Variants in C8orf34 observed in about 807,000 individuals in gnomAD.
C8orf34 encodes the protein uncharacterized protein C8orf34.
In C8orf34, 65 loss-of-function variants were observed where a neutral mutation model predicts 68.3. The observed-to-expected ratio is 0.95, with a 90% CI of 0.78 to 1.17. The LOEUF (loss-of-function observed/expected upper bound fraction) is 1.17, where lower values mean the gene tolerates loss of function less well. C8orf34 is among the 50% of genes most tolerant of loss of function. The pLI, the probability that C8orf34 is intolerant of heterozygous loss-of-function variation, is 0.00. For missense variants in C8orf34, 664 were observed against 655.4 expected, an observed-to-expected ratio of 1.01 and a Z score of -0.14; for synonymous variants, 244 against 241.2, an observed-to-expected ratio of 1.01 and a Z score of -0.11.
chr8:68,468,921 A>T, intron 4 of C8orf34, 101 bp downstream of exon 4: 1 of 1,295,608 alleles, frequency 7.7e-7, no homozygotes, highest in Non-Finnish European at 1.1e-6. Flanking sequence ...TCCTCATTCT[A>T]ATTCTGCAAG....
intron 11 of C8orf34, among the ~76,000 whole-genome samples, chr8:68,782,127 C>T (rs987399022): frequency 3.3e-5 from 5 of 152,138 alleles, no homozygotes; most frequent in East Asian, 1.9e-4. Context: ...GAATCACTTC[C>T]GCAATTTCAT....
chr8:68,430,939 C>T (rs1039142976), intron 1 of C8orf34, among the ~76,000 whole-genome samples: 6 of 152,062 alleles, frequency 3.9e-5, no homozygotes, highest in Non-Finnish European at 5.9e-5. Context: ...TTCATATACC[C>T]CACATGATAT....
chr8:68,656,950 G>T (rs1456309934), intron 8 of C8orf34, among the ~76,000 whole-genome samples: 2 of 152,202 alleles, frequency 1.3e-5, no homozygotes, highest in Non-Finnish European at 2.9e-5. Flanking sequence ...AGGAGTAAAA[G>T]GTCGTTTGGG....
intron 7 of C8orf34, among the ~76,000 whole-genome samples, chr8:68,606,096 T>C (rs1429848235): frequency 1.3e-5 from 2 of 152,156 alleles, no homozygotes. Flanking sequence ...AAAATTGTTA[T>C]GCTTTCTGCA....
At chr8:68,500,274 T>C (rs76043800) in intron 5 of C8orf34, among the ~76,000 whole-genome samples, 3,299 of 152,282 alleles carry the variant, frequency 0.022, 60 homozygotes, top group Middle Eastern at 0.041. Context: ...TAAGGAAACA[T>C]TGGAAAACAC....
At position 68,380,912 on chromosome 8, in the gene C8orf34, G is replaced by C. The variant is rs576802528; in HGVS notation, c.327+49573G>C. Among the ~76,000 whole-genome samples, 8 of 152,202 alleles carry C rather than the reference G, an allele frequency of 5.3e-5. No individual in the cohort carries two copies. In the East Asian group the frequency reaches 1.4e-3, roughly 26 times the overall value. On this transcript the variant is annotated intron_variant, in intron 1 of 13. Transcript: ENST00000518698. ...TTCTATGTGTTCCATTATGCCCTGA[G>C]GCTTTATTCTAATTGAGAGTCCATA...
chr8:68,623,091 A>T (rs947890994), intron 7 of C8orf34, among the ~76,000 whole-genome samples: 1 of 152,220 alleles, frequency 6.6e-6, no homozygotes, highest in Non-Finnish European at 1.5e-5. Context: ...TCCAGACTGT[A>T]CCACATACTA....
chr8:68,817,319 C>A (rs1031126185), intron 13 of C8orf34, among the ~76,000 whole-genome samples: 1 of 151,962 alleles, frequency 6.6e-6, no homozygotes, highest in Non-Finnish European at 1.5e-5. Context: ...AAGGGTAAGG[C>A]CTAAAGGAAT....
intron 7 of C8orf34, among the ~76,000 whole-genome samples, chr8:68,627,270 G>A (rs1040543116): frequency 2.6e-5 from 4 of 152,000 alleles, no homozygotes; most frequent in African/African-American, 9.7e-5. Context: ...CCTCTGTGCT[G>A]GTCTCCTTTC....
chr8:68,752,407 G>T lies in C8orf34; in HGVS notation c.1405-23992G>T, dbSNP rs189386621. 9.2e-5 allele frequency among the ~76,000 whole-genome samples: 14 copies of T among 152,214 alleles called. 1 individual carries two copies. The highest frequency in any genetic ancestry group is 3.4e-3 in the Middle Eastern group (1 of 294). Reference sequence around the variant, plus strand: ...TGGTTCTACTGTGCTGGAACCAGGCGGTATGGCTCCCTGGCTGGGTAGGGC... The same window carrying T: ...TGGTTCTACTGTGCTGGAACCAGGCTGTATGGCTCCCTGGCTGGGTAGGGC... On this transcript the variant is annotated intron_variant, in intron 10 of 13. Coordinates refer to ENST00000518698, the MANE Select transcript of C8orf34 (RefSeq NM_052958.4).
At chr8:68,588,333 C>A (rs1046377264) in intron 7 of C8orf34, among the ~76,000 whole-genome samples, 1 of 150,730 alleles carries the variant, frequency 6.6e-6, no homozygotes, top group East Asian at 1.9e-4. Context: ...TAGTATAAAG[C>A]AGATAGTATA....
chr8:68,494,050 A>G (rs2129632064), intron 5 of C8orf34, among the ~76,000 whole-genome samples: 1 of 152,368 alleles, frequency 6.6e-6, no homozygotes, highest in East Asian at 1.9e-4. Context: ...CAAGATTTAT[A>G]GGAAATAATT....
At chr8:68,444,118 A>C (rs1204108475) in intron 2 of C8orf34, among the ~76,000 whole-genome samples, 2 of 152,090 alleles carry the variant, frequency 1.3e-5, no homozygotes, top group Non-Finnish European at 2.9e-5. Context: ...TGTATCAAGC[A>C]AAGTGTTTTC....
intron 7 of C8orf34, among the ~76,000 whole-genome samples, chr8:68,617,509 G>C (rs1003363212): frequency 7.2e-5 from 11 of 152,158 alleles, no homozygotes; most frequent in Non-Finnish European, 1.6e-4. Context: ...GCATTTGCTT[G>C]TCTGTAAAGT....
At position 68,330,985 on chromosome 8, in the gene C8orf34, G is replaced by A; in HGVS notation, c.-28G>A. 2 of 1,375,686 alleles carry A rather than the reference G, an allele frequency of 1.5e-6. No homozygotes were observed. The highest frequency in any genetic ancestry group is 1.9e-6 in the Non-Finnish European group (2 of 1,071,652). The allele number at this position is 1,375,686 out of a possible 1,614,324, so 85.2% of individuals were successfully genotyped here. A position where few individuals can be genotyped will look rare whatever the true frequency, so the allele number is the denominator to read the frequency against. The stretch of plus-strand genomic sequence containing the variant: ...GCCGGGCGCTGCGGAGAGCGGCGAG[G>A]GTGGGCGCGAGGCGGAGAACGCGAT... On this transcript the variant is annotated 5_prime_UTR_variant, in exon 1 of 14. Transcript: ENST00000518698.
At chr8:68,525,598 C>T in intron 6 of C8orf34, 1 of 879,214 alleles carries the variant, frequency 1.1e-6, no homozygotes, top group East Asian at 2.5e-5. Flanking sequence ...CTGAGGTTGT[C>T]AGTACAATGA....
Position 68,635,805 on chromosome 8 carries a change from C to G in C8orf34, c.1106-4571C>G, listed in dbSNP as rs144405879. Among the ~76,000 whole-genome samples the G allele has an allele frequency of 2.4e-3, 365 of 152,264 alleles. 2 individuals are homozygous for G. The highest frequency in any genetic ancestry group is 8.4e-3 in the African/African-American group (350 of 41,524). On this transcript the variant is annotated intron_variant, in intron 7 of 13. Transcript: ENST00000518698. ...ATATTGATGAGAAACACACTCTCCT[C>G]TTATGCACATTTCTTCTCTGCAGGC...
At chr8:68,451,937 G>T (rs956253543) in intron 3 of C8orf34, among the ~76,000 whole-genome samples, 2 of 151,884 alleles carry the variant, frequency 1.3e-5, no homozygotes, top group African/African-American at 4.8e-5. Flanking sequence ...GTAAAGCAAG[G>T]TATTCCTGTA....
chr8:68,673,818 G>A (rs1329310442), intron 8 of C8orf34, among the ~76,000 whole-genome samples: 1 of 152,110 alleles, frequency 6.6e-6, no homozygotes, highest in Non-Finnish European at 1.5e-5. Context: ...GTAACCCTGG[G>A]CCTTGGGCAA....
Sources: allele counts gnomAD v4.1 joint callset (sites outside exome capture counted in the v4.1 genomes callset), GRCh38; gene constraint gnomAD v4.1.1; transcripts MANE v1.5; gene names NCBI Gene and HGNC (gene_info 2026-07-23, HGNC 2026-07-21).